Variants in DOCK4 observed in about 807,000 individuals in gnomAD.
DOCK4 encodes dedicator of cytokinesis 4, also known as dedicator of cytokinesis protein 4.
In DOCK4, 97 loss-of-function variants were observed where a neutral mutation model predicts 268.1. That is an observed-to-expected ratio of 0.36 (90% CI 0.31 to 0.43). The LOEUF is 0.43. Ranked by LOEUF, DOCK4 falls within the 20% of genes least tolerant of loss-of-function variation. The pLI is 1.00. For missense variants in DOCK4, 2,145 were observed against 2,455.7 expected (o/e 0.87, Z 2.67); for synonymous variants, 954 against 887.2 (o/e 1.08, Z -1.34).
chr7:112,201,891 T>C (rs554500229), intron 1 of DOCK4, among the ~76,000 whole-genome samples: 2 of 152,314 alleles, frequency 1.3e-5, no homozygotes, highest in South Asian at 2.1e-4. Context: ...TTAATCTCTA[T>C]ATTTATGAAG....
chr7:111,809,474 T>G (rs1800921211), intron 28 of DOCK4, 73 bp from the exon 29 acceptor site: 3 of 1,341,074 alleles, frequency 2.2e-6, no homozygotes, highest in Non-Finnish European at 3.1e-6. Context: ...CATAGTATTT[T>G]GGATTTGCTT....
intron 1 of DOCK4, among the ~76,000 whole-genome samples, chr7:112,051,099 T>C (rs912183299): frequency 6.6e-6 from 1 of 152,114 alleles, no homozygotes; most frequent in Non-Finnish European, 1.5e-5. Context: ...ACCACTGTAC[T>C]ATACAATACT....
intron 30 of DOCK4, among the ~76,000 whole-genome samples, chr7:111,803,850 C>T (rs1186803518): frequency 6.6e-6 from 1 of 152,126 alleles, no homozygotes; most frequent in Non-Finnish European, 1.5e-5. Context: ...CACTAGTTGG[C>T]TTTTATGCTC....
chr7:111,749,220 AC>A (rs1796474964), intron 42 of DOCK4, among the ~76,000 whole-genome samples: 1 of 152,186 alleles, frequency 6.6e-6, no homozygotes, highest in African/African-American at 2.4e-5. Context: ...TATTTGTAAC[AC>A]TAAACCTTTG....
intron 1 of DOCK4, among the ~76,000 whole-genome samples, chr7:112,018,993 A>G (rs1030550984): frequency 2.0e-5 from 3 of 152,170 alleles, no homozygotes; most frequent in African/African-American, 7.2e-5. Context: ...CTGTCCATGA[A>G]CTAAATCTGA....
intron 5 of DOCK4, among the ~76,000 whole-genome samples, chr7:111,989,721 T>C (rs1799369724): frequency 6.6e-6 from 1 of 152,262 alleles, no homozygotes; most frequent in Non-Finnish European, 1.5e-5. Flanking sequence ...AAAAAGGTAA[T>C]GCTTTCTTCC....
intron 1 of DOCK4, among the ~76,000 whole-genome samples, chr7:112,158,255 A>G (rs984293812): frequency 6.6e-6 from 1 of 152,200 alleles, no homozygotes; most frequent in African/African-American, 2.4e-5. Flanking sequence ...GTTTCTAGCT[A>G]GAAACCTATA....
intron 8 of DOCK4, among the ~76,000 whole-genome samples, chr7:111,972,310 G>A (rs898763001): frequency 1.3e-5 from 2 of 151,740 alleles, no homozygotes; most frequent in African/African-American, 4.8e-5. Flanking sequence ...AGAGCACGGG[G>A]TCTGCAGCTC....
chr7:111,758,623 C>G lies in DOCK4; in HGVS notation c.4329+1G>C. 1 of 1,613,738 alleles carries G rather than the reference C, an allele frequency of 6.2e-7. No homozygotes were observed. Among genetic ancestry groups the G allele is most frequent in the Non-Finnish European group, 8.5e-7 (1 of 1,179,778 alleles). On this transcript the variant is annotated splice_donor_variant, in intron 41 of 52. Transcript: ENST00000428084. LOFTEE classifies it high-confidence loss of function. ...AGCATGTAATAAGAATTGCATGGTA[C>G]CTTGAATTCATTCTCTTTATCTTTT...
At chr7:111,984,951 G>A (rs1798936656) in intron 6 of DOCK4, among the ~76,000 whole-genome samples, 1 of 152,178 alleles carries the variant, frequency 6.6e-6, no homozygotes, top group Non-Finnish European at 1.5e-5. Context: ...TGGAAATGGG[G>A]GAAGAGTTTT....
intron 1 of DOCK4, among the ~76,000 whole-genome samples, chr7:112,100,100 A>G (rs960595643): frequency 3.3e-5 from 5 of 152,242 alleles, no homozygotes; most frequent in Non-Finnish European, 7.3e-5. Context: ...TTTCAAACCT[A>G]CGTATGCTAA....
chr7:112,188,544 T>G (rs1312693946), intron 1 of DOCK4, among the ~76,000 whole-genome samples: 1 of 152,194 alleles, frequency 6.6e-6, no homozygotes, highest in African/African-American at 2.4e-5. Flanking sequence ...ATGAAGAGCT[T>G]TATTACATCA....
chr7:111,765,084 G>C, intron 39 of DOCK4, 34 bp downstream of exon 39: 1 of 1,061,292 alleles, frequency 9.4e-7, no homozygotes, highest in Non-Finnish European at 1.3e-6. Flanking sequence ...CTATATGAGA[G>C]CTGTGAAAGC....
chr7:111,782,818 T>C (rs766882051), intron 35 of DOCK4, 46 bp downstream of exon 35: 6 of 1,570,596 alleles, frequency 3.8e-6, no homozygotes, highest in Non-Finnish European at 4.4e-6. Context: ...GGGAAAAAAA[T>C]ACAAGTATTA....
chr7:111,870,323 CTTTTTTTTTTTTTTTT>C (rs796444724), intron 20 of DOCK4, among the ~76,000 whole-genome samples: 2 of 131,358 alleles, frequency 1.5e-5, no homozygotes, highest in South Asian at 4.9e-4. Flanking sequence ...TTTTTCTTTT[CTTTTTTTTTTTTTTTT>C]TTGAGACAGA....
intron 16 of DOCK4, 128 bp from the exon 17 acceptor site, chr7:111,877,314 G>A (rs1280185494): frequency 2.2e-6 from 2 of 891,782 alleles, no homozygotes; most frequent in African/African-American, 3.5e-5. Context: ...GTAGAATTTG[G>A]TTTTTAAATA....
At position 111,977,081 on chromosome 7, in the gene DOCK4, T is replaced by C. The variant is rs987905801; in HGVS notation, c.701+51A>G. On this transcript the variant is annotated intron_variant, in intron 8 of 52. Transcript: ENST00000428084. ...TCTTACAGCTTGCCAATCACAAATATCCACCATTCTAACATTAAGACATTG... is the reference window on the plus strand; with the variant it reads ...TCTTACAGCTTGCCAATCACAAATACCCACCATTCTAACATTAAGACATTG... 5.0e-5 allele frequency: 80 copies of C among 1,593,066 alleles called. No individual in the cohort carries two copies. In the South Asian group the frequency reaches 8.6e-4, roughly 17 times the overall value.
chr7:111,791,890 GAATA>G (rs1335305041), intron 30 of DOCK4, among the ~76,000 whole-genome samples: 1 of 152,112 alleles, frequency 6.6e-6, no homozygotes, highest in African/African-American at 2.4e-5. Context: ...TTTCTTAACA[GAATA>G]AATACACAAC....
At chr7:111,738,519 C>T (rs1795666850) in intron 49 of DOCK4, among the ~76,000 whole-genome samples, 1 of 152,154 alleles carries the variant, frequency 6.6e-6, no homozygotes, top group Non-Finnish European at 1.5e-5. Flanking sequence ...CAAACACAGG[C>T]ACTTTATTCA....
Sources: allele counts gnomAD v4.1 joint callset (sites outside exome capture counted in the v4.1 genomes callset), GRCh38; gene constraint gnomAD v4.1.1; transcripts MANE v1.5; gene names NCBI Gene and HGNC (gene_info 2026-07-23, HGNC 2026-07-21).